The following RALYL variants were observed in gnomAD, a reference collection of about 807,000 sequenced individuals.
RALYL encodes RALY RNA binding protein like, also known as RNA-binding Raly-like protein.
RALYL carries 29 observed loss-of-function variants against 35.1 expected under a neutral mutation model. The observed-to-expected ratio is 0.83, with a 90% CI of 0.61 to 1.13. The LOEUF (loss-of-function observed/expected upper bound fraction) is 1.13, where lower values mean the gene tolerates loss of function less well. Ranked by LOEUF, RALYL falls within the 50% of genes most tolerant of loss-of-function variation. The pLI, the probability that RALYL is intolerant of heterozygous loss-of-function variation, is 0.00. For synonymous variants in RALYL, 120 were observed against 127.6 expected (o/e 0.94, Z 0.40); for missense variants, 359 against 360.4 (o/e 1.00, Z 0.03).
chr8:84,249,750 A>G (rs1278069600), intron 1 of RALYL, among the ~76,000 whole-genome samples: 2 of 152,078 alleles, frequency 1.3e-5, no homozygotes, highest in Non-Finnish European at 1.5e-5. Flanking sequence ...TAGAGAGTAT[A>G]TATTCTACTG....
intron 2 of RALYL, among the ~76,000 whole-genome samples, chr8:84,730,583 G>A (rs1050478548): frequency 1.3e-5 from 2 of 152,106 alleles, no homozygotes; most frequent in Non-Finnish European, 2.9e-5. Flanking sequence ...TAGGAAAAGA[G>A]GAAGTCAAAT....
chr8:84,778,045 G>A (rs962829794), intron 3 of RALYL, among the ~76,000 whole-genome samples: 1 of 152,062 alleles, frequency 6.6e-6, no homozygotes, highest in African/African-American at 2.4e-5. Flanking sequence ...ATCTACTATG[G>A]TCTAGGGACT....
intron 1 of RALYL, among the ~76,000 whole-genome samples, chr8:84,186,497 C>T (rs867444593): frequency 2.6e-5 from 4 of 152,140 alleles, no homozygotes; most frequent in Non-Finnish European, 5.9e-5. Context: ...GAGAGAGAGA[C>T]AGAGCAAGCA....
intron 1 of RALYL, among the ~76,000 whole-genome samples, chr8:84,443,985 A>AT: frequency 6.6e-6 from 1 of 152,066 alleles, no homozygotes; most frequent in East Asian, 1.9e-4. Flanking sequence ...AGAGGAGTGA[A>AT]TTTTTTGTTT....
In RALYL at chr8:84,705,786, C is replaced by T. The variant is rs145762845; in HGVS notation, c.257-68793C>T. On this transcript the variant is annotated intron_variant, in intron 2 of 8. Transcript: ENST00000521268. Reference sequence around the variant, plus strand: ...TTAGAGAACTTAACTGCTATAGGATCGGGGGAGGTGAAGGAAATACAATTT... The same window carrying T: ...TTAGAGAACTTAACTGCTATAGGATTGGGGGAGGTGAAGGAAATACAATTT... 5.6e-4 allele frequency: 365 copies of T among 654,738 alleles called. 1 individual carries two copies. The African/African-American group carries it at 5.7e-3, about 10-fold the overall frequency. The allele number at this position is 654,738 out of a possible 1,614,324, so 40.6% of individuals were successfully genotyped here.
At chr8:84,781,817 A>G (rs1432936222) in intron 3 of RALYL, among the ~76,000 whole-genome samples, 1 of 152,212 alleles carries the variant, frequency 6.6e-6, no homozygotes, top group Non-Finnish European at 1.5e-5. Flanking sequence ...CATGTGATTC[A>G]TGGTAGTCAA....
rs550675564 is a variant in RALYL at position 84,899,820 on chromosome 8, A to C, written c.858+12044A>C. Among the ~76,000 whole-genome samples the C allele has an allele frequency of 4.7e-4, 71 of 152,342 alleles. 1 individual carries two copies. In the South Asian group the frequency reaches 0.015, roughly 32 times the overall value. ...AGCAAAGCTAGAATGCTGACTTATA[A>C]AACAAACCAGAAAATAAGACTTCCT... On this transcript the variant is annotated intron_variant, in intron 8 of 8. Transcript: ENST00000521268.
chr8:84,768,605 A>G (rs934837736), intron 2 of RALYL, among the ~76,000 whole-genome samples: 113 of 152,346 alleles, frequency 7.4e-4, no homozygotes, highest in African/African-American at 2.6e-3. Context: ...CTATAAATTG[A>G]AAGTGTGTGG....
chr8:84,455,619 A>G (rs2050045505), intron 1 of RALYL, among the ~76,000 whole-genome samples: 1 of 152,064 alleles, frequency 6.6e-6, no homozygotes, highest in Non-Finnish European at 1.5e-5. Context: ...GACCTAATAG[A>G]AGACAAAGTC....
intron 2 of RALYL, among the ~76,000 whole-genome samples, chr8:84,625,606 T>A: frequency 6.6e-6 from 1 of 152,156 alleles, no homozygotes; most frequent in East Asian, 1.9e-4. Flanking sequence ...TCCCATAAAG[T>A]AGATACCATA....
intron 1 of RALYL, among the ~76,000 whole-genome samples, chr8:84,499,560 G>A (rs1022769232): frequency 6.6e-6 from 1 of 152,112 alleles, no homozygotes. Flanking sequence ...GTTATATAAT[G>A]TACTTCTGTA....
chr8:84,804,852 C>T, intron 4 of RALYL, 50 bp downstream of exon 4: 1 of 940,038 alleles, frequency 1.1e-6, no homozygotes. Context: ...ATTCAAATTT[C>T]CAAGAACTTC....
intron 5 of RALYL, among the ~76,000 whole-genome samples, chr8:84,858,395 GAGTA>G (rs1837469045): frequency 1.3e-5 from 2 of 152,102 alleles, no homozygotes; most frequent in Admixed American, 1.3e-4. Flanking sequence ...TCTATTTGAT[GAGTA>G]AGTATTTGGG....
At chr8:84,272,664 T>G (rs1296210706) in intron 1 of RALYL, among the ~76,000 whole-genome samples, 1 of 152,180 alleles carries the variant, frequency 6.6e-6, no homozygotes, top group Admixed American at 6.5e-5. Flanking sequence ...GCAATTTCAT[T>G]TATCAGTCAT....
chr8:84,440,359 AG>A (rs2048202360), intron 1 of RALYL, among the ~76,000 whole-genome samples: 1 of 152,084 alleles, frequency 6.6e-6, no homozygotes, highest in African/African-American at 2.4e-5. Context: ...ATTAACAGCA[AG>A]GGGCTAAGTT....
intron 1 of RALYL, among the ~76,000 whole-genome samples, chr8:84,512,051 A>G (rs1347952630): frequency 3.3e-5 from 5 of 151,998 alleles, no homozygotes; most frequent in Non-Finnish European, 7.4e-5. Flanking sequence ...TCCTTCTATA[A>G]ATACCTACTA....
At position 84,371,342 on chromosome 8, in the gene RALYL, A is replaced by T. The variant is rs568144217; in HGVS notation, c.-23-157957A>T. ...TTTAGTATAACGTATTTCGTGATGC[A>T]CGGTGACATTCTGCGTCTCTCACTC... On this transcript the variant is annotated intron_variant, in intron 1 of 8. Transcript: ENST00000521268. 2.6e-5 allele frequency among the ~76,000 whole-genome samples: 4 copies of T among 152,146 alleles called. No homozygotes were observed. In the East Asian group the frequency reaches 7.7e-4, roughly 29 times the overall value.
chr8:84,184,563 G>A (rs1811983314), intron 1 of RALYL, 139 bp downstream of exon 1: 1 of 172,270 alleles, frequency 5.8e-6, no homozygotes, highest in Non-Finnish European at 1.2e-5. Flanking sequence ...GCCCGAGGTG[G>A]GGAGAGCGGC....
chr8:84,575,441 T>A (rs1809127133), intron 2 of RALYL, among the ~76,000 whole-genome samples: 1 of 152,202 alleles, frequency 6.6e-6, no homozygotes, highest in Non-Finnish European at 1.5e-5. Context: ...TTTAATGAAA[T>A]AATTTACTTT....
Sources: gnomAD v4.1 joint callset for allele counts (sites outside exome capture counted in the v4.1 genomes callset) on GRCh38, gnomAD v4.1.1 for gene constraint, MANE v1.5 for transcripts, NCBI Gene and HGNC (gene_info 2026-07-23, HGNC 2026-07-21) for gene names.